CDKL3: variants seen among roughly 807,000 people sequenced by gnomAD.
CDKL3 encodes the protein cyclin dependent kinase like 3.
A neutral mutation model predicts 69.3 loss-of-function variants in CDKL3; 65 were observed. That is an observed-to-expected ratio of 0.94 (90% confidence interval 0.77 to 1.15). The LOEUF (loss-of-function observed/expected upper bound fraction) is 1.15. CDKL3 is among the 50% of genes most tolerant of loss of function. CDKL3 has a pLI of 0.00. For missense variants in CDKL3, 652 were observed against 689.2 expected (o/e 0.95, Z 0.61); for synonymous variants, 202 against 221.6 (o/e 0.91, Z 0.79).
At position 134,302,618 on chromosome 5, in the gene CDKL3, T is replaced by G; in HGVS notation, c.1691A>C (p.Asn564Thr). Residue 564 changes from asparagine to threonine, a missense_variant, in exon 12 of 13, where the codon AAC becomes ACC. Transcript: ENST00000265334. Reference protein sequence around the residue: ...TESSKIPTLLNVDQNQEKQEG... With the variant: ...TESSKIPTLLTVDQNQEKQEG... ...TTGTTTTTCTTGATTTTGATCCACG[T>G]TAAGTAAAGTTGGTATCTTAGATGA... 6.3e-7 allele frequency: 1 copy of G among 1,598,382 alleles called. No homozygotes were observed. The highest frequency in any genetic ancestry group is 1.1e-5 in the South Asian group (1 of 89,240).
rs185088608 is a variant in CDKL3 at position 134,366,998 on chromosome 5, G to A, written c.-43C>T. 2 of 989,390 alleles carry A rather than the reference G, an allele frequency of 2.0e-6. No homozygotes were observed. Among genetic ancestry groups the A allele is most frequent in the East Asian group, 1.1e-4 (1 of 8,928 alleles). The allele number at this position is 989,390 out of a possible 1,614,324, so 61.3% of individuals were successfully genotyped here. On this transcript the variant is annotated 5_prime_UTR_variant, in exon 1 of 13. Coordinates refer to ENST00000265334, the MANE Select transcript of CDKL3 (RefSeq NM_001113575.2). The stretch of plus-strand genomic sequence containing the variant: ...GGACCGGCGTCACGCCCCACGTCCC[G>A]CTGTTGACTTTATCCAAACAGCCGC...
chr5:134,366,715 G>A (rs1757526181), intron 1 of CDKL3, among the ~76,000 whole-genome samples, 171 bp from the exon 2 acceptor site: 1 of 150,896 alleles, frequency 6.6e-6, no homozygotes, highest in South Asian at 2.1e-4. Context: ...ACTAAAGACA[G>A]CTTGAGTAAG....
chr5:134,361,432 AAC>A (rs1017948717), intron 2 of CDKL3, among the ~76,000 whole-genome samples: 1 of 152,310 alleles, frequency 6.6e-6, no homozygotes, highest in Non-Finnish European at 1.5e-5. Flanking sequence ...TCATTCCAAT[AAC>A]ACAGTGTCAA....
intron 3 of CDKL3, among the ~76,000 whole-genome samples, chr5:134,351,326 C>T (rs1753259626): frequency 6.6e-6 from 1 of 152,136 alleles, no homozygotes; most frequent in Non-Finnish European, 1.5e-5. Context: ...GGTGGGGGAG[C>T]CACTTTTGTC....
downstream of CDKL3, among the ~76,000 whole-genome samples, chr5:134,285,452 C>T (rs189816625): frequency 1.3e-3 from 198 of 152,336 alleles, 2 homozygotes; most frequent in Non-Finnish European, 2.2e-3. Flanking sequence ...AGCCACAGGC[C>T]AAGCTCTACA....
chr5:134,370,036 G>C (rs1400194291), upstream of CDKL3, among the ~76,000 whole-genome samples: 1 of 152,146 alleles, frequency 6.6e-6, no homozygotes, highest in East Asian at 1.9e-4. Context: ...AGTTAGGCCT[G>C]GCTAACCTGA....
chr5:134,303,911 T>G (rs1767041264), intron 11 of CDKL3, among the ~76,000 whole-genome samples: 1 of 151,244 alleles, frequency 6.6e-6, no homozygotes, highest in Non-Finnish European at 1.5e-5. Flanking sequence ...TAACCTCTCT[T>G]TATTTTTCTT....
chr5:134,321,487 G>A (rs1168735960), intron 5 of CDKL3, among the ~76,000 whole-genome samples: 1 of 152,062 alleles, frequency 6.6e-6, no homozygotes, highest in Non-Finnish European at 1.5e-5. Flanking sequence ...ACAGATATTT[G>A]TAGAAGCCTA....
At chr5:134,337,035 C>G (rs997832834) in intron 4 of CDKL3, among the ~76,000 whole-genome samples, 4 of 152,288 alleles carry the variant, frequency 2.6e-5, no homozygotes, top group Admixed American at 1.3e-4. Context: ...CATAGAACCG[C>G]CTACTCAAGC....
downstream of CDKL3, among the ~76,000 whole-genome samples, chr5:134,283,368 G>A (rs138357838): frequency 6.6e-6 from 1 of 152,248 alleles, no homozygotes; most frequent in Non-Finnish European, 1.5e-5. Flanking sequence ...GAGGTTTATT[G>A]GACTTACAGT....
At chr5:134,318,783 C>A (rs146116329) in intron 6 of CDKL3, among the ~76,000 whole-genome samples, 48 of 152,048 alleles carry the variant, frequency 3.2e-4, no homozygotes, top group African/African-American at 9.7e-4. Flanking sequence ...CCCTGCCTGG[C>A]CCATTTCTCC....
rs550157647 is a variant in CDKL3, at chr5:134,352,906, T to C, written c.361-2479A>G. 3.3e-5 allele frequency among the ~76,000 whole-genome samples: 5 copies of C among 152,310 alleles called. No homozygotes were observed. In the South Asian group the frequency reaches 1.0e-3, roughly 32 times the overall value. On this transcript the variant is annotated intron_variant, in intron 3 of 12. Transcript: ENST00000265334. ...CTTCTCTCTATTGTTTCCTTGGATA[T>C]GCAGAAGTTTTTTTGTTTAATGTAA...
chr5:134,314,888 G>C (rs1239418419), intron 6 of CDKL3, among the ~76,000 whole-genome samples: 1 of 152,154 alleles, frequency 6.6e-6, no homozygotes, highest in African/African-American at 2.4e-5. Context: ...GTTTGTGTGT[G>C]TGTGTGTTAG....
At chr5:134,317,543 G>A (rs1345756998) in intron 6 of CDKL3, among the ~76,000 whole-genome samples, 3 of 152,174 alleles carry the variant, frequency 2.0e-5, no homozygotes, top group Non-Finnish European at 4.4e-5. Flanking sequence ...AGGATCACTA[G>A]AGGATAGGAG....
At chr5:134,293,231 G>C (rs1234292424) in intron 8 of CDKL3, among the ~76,000 whole-genome samples, 1 of 151,586 alleles carries the variant, frequency 6.6e-6, no homozygotes, top group East Asian at 1.9e-4. Context: ...TGTTGGTCAG[G>C]CTGGTCTCAA....
At chr5:134,343,990 GTTACAC>G (rs760811595) in intron 4 of CDKL3, among the ~76,000 whole-genome samples, 4 of 152,206 alleles carry the variant, frequency 2.6e-5, no homozygotes, top group Non-Finnish European at 4.4e-5. Context: ...CCCTTGAGCA[GTTACAC>G]TTACATCTAT....
intron 6 of CDKL3, among the ~76,000 whole-genome samples, chr5:134,315,278 G>GT (rs148292770): frequency 0.042 from 6,423 of 151,366 alleles, 204 homozygotes; most frequent in Non-Finnish European, 0.062. Context: ...AGATTAATGT[G>GT]TTTTTTTTCA....
chr5:134,337,415 A>G (rs1405267211), intron 4 of CDKL3, among the ~76,000 whole-genome samples: 1 of 152,214 alleles, frequency 6.6e-6, no homozygotes, highest in African/African-American at 2.4e-5. Context: ...GGAAATGCAG[A>G]AATTACCCAT....
intron 4 of CDKL3, among the ~76,000 whole-genome samples, chr5:134,333,853 T>C (rs1428508752): frequency 6.6e-6 from 1 of 152,208 alleles, no homozygotes; most frequent in Non-Finnish European, 1.5e-5. Flanking sequence ...GTCCCTCTTT[T>C]TCTACTGATG....
Sources: allele counts gnomAD v4.1 joint callset (sites outside exome capture counted in the v4.1 genomes callset), GRCh38; gene constraint gnomAD v4.1.1; transcripts MANE v1.5; gene names NCBI Gene and HGNC (gene_info 2026-07-23, HGNC 2026-07-21).